MACROD2: variants seen among roughly 807,000 people sequenced by gnomAD.
MACROD2 encodes the protein ADP-ribose glycohydrolase MACROD2.
In MACROD2, 36 loss-of-function variants were observed where a neutral mutation model predicts 70.4. The ratio of observed to expected loss-of-function variants is 0.51; its 90% CI spans 0.39 to 0.68. MACROD2 has a LOEUF of 0.68. MACROD2 is among the 30% of genes least tolerant of loss of function. MACROD2 has a pLI of 0.00. For missense variants in MACROD2, 496 were observed against 538.4 expected (o/e 0.92, Z 0.78); for synonymous variants, 172 against 178.8 (o/e 0.96, Z 0.30).
chr20:14,568,922 C>T (rs1286254360), intron 4 of MACROD2, among the ~76,000 whole-genome samples: 1 of 151,952 alleles, frequency 6.6e-6, no homozygotes, highest in African/African-American at 2.4e-5. Flanking sequence ...ACTGCTACAG[C>T]CCCAGTCAGC....
intron 6 of MACROD2, among the ~76,000 whole-genome samples, chr20:15,266,473 G>T (rs2077295519): frequency 6.6e-6 from 1 of 152,198 alleles, no homozygotes; most frequent in Non-Finnish European, 1.5e-5. Flanking sequence ...GCCAGGCAAA[G>T]AATTACACAG....
chr20:14,111,346 G>A (rs778803625), intron 3 of MACROD2, among the ~76,000 whole-genome samples: 1 of 151,886 alleles, frequency 6.6e-6, no homozygotes, highest in Non-Finnish European at 1.5e-5. Context: ...GGCAACCAAA[G>A]CAAACATGGA....
chr20:14,840,451 G>C (rs567315995), intron 5 of MACROD2, among the ~76,000 whole-genome samples: 1 of 152,186 alleles, frequency 6.6e-6, no homozygotes, highest in Admixed American at 6.5e-5. Context: ...TGCCCAGGCT[G>C]GTCTTGGGCT....
chr20:15,228,886 T>C (rs1482309821), intron 5 of MACROD2, among the ~76,000 whole-genome samples: 1 of 152,200 alleles, frequency 6.6e-6, no homozygotes, highest in African/African-American at 2.4e-5. Flanking sequence ...TATTCTTCTG[T>C]CATTCTTGTT....
intron 6 of MACROD2, among the ~76,000 whole-genome samples, chr20:15,401,870 T>C (rs2045935466): frequency 6.6e-6 from 1 of 152,178 alleles, no homozygotes; most frequent in Non-Finnish European, 1.5e-5. Flanking sequence ...GATGGATAGT[T>C]GAGATGCAGA....
intron 5 of MACROD2, among the ~76,000 whole-genome samples, chr20:14,800,035 AC>A: frequency 6.6e-6 from 1 of 152,064 alleles, no homozygotes; most frequent in Non-Finnish European, 1.5e-5. Flanking sequence ...AGTCAAGCTG[AC>A]AGTTCAGACA....
intron 5 of MACROD2, among the ~76,000 whole-genome samples, chr20:14,860,702 A>G (rs111915718): frequency 1.4e-3 from 214 of 152,238 alleles, no homozygotes; most frequent in African/African-American, 4.7e-3. Context: ...AGCAAAACCC[A>G]GGTGGAGGTC....
intron 3 of MACROD2, among the ~76,000 whole-genome samples, chr20:14,313,745 A>G (rs1196221702): frequency 2.6e-5 from 4 of 152,212 alleles, no homozygotes; most frequent in Admixed American, 1.3e-4. Context: ...GTAGCTGGAA[A>G]AGATCAGCCC....
intron 5 of MACROD2, among the ~76,000 whole-genome samples, chr20:15,135,845 C>T (rs1408110116): frequency 2.7e-5 from 4 of 150,148 alleles, no homozygotes; most frequent in African/African-American, 9.8e-5. Flanking sequence ...TCTCCTTAAG[C>T]TGATAAGCAA....
intron 5 of MACROD2, among the ~76,000 whole-genome samples, chr20:14,871,641 A>G (rs1475608667): frequency 6.6e-6 from 1 of 152,162 alleles, no homozygotes; most frequent in Non-Finnish European, 1.5e-5. Flanking sequence ...AGCTAACAAC[A>G]TAATGACAGG....
In MACROD2 at chr20:14,645,865, G is replaced by C. The variant is rs4141803; in HGVS notation, c.302-38978G>C. Among the ~76,000 whole-genome samples the C allele has an allele frequency of 8.1e-3, 1,231 of 151,950 alleles. 100 individuals are homozygous for C. The East Asian group carries it at 0.17, about 21-fold the overall frequency. On this transcript the variant is annotated intron_variant, in intron 4 of 17. Coordinates refer to ENST00000684519, the MANE Select transcript of MACROD2 (RefSeq NM_001351661.2). ...GCCATTACACAGGGAATTCAAGGCA[G>C]ATAAAAAACTCCATTTACAGAAACC... is the stretch of plus-strand genomic sequence containing the variant.
At chr20:14,015,459 C>G (rs2052975441) in intron 2 of MACROD2, among the ~76,000 whole-genome samples, 1 of 152,148 alleles carries the variant, frequency 6.6e-6, no homozygotes, top group Non-Finnish European at 1.5e-5. Flanking sequence ...CACTTGTTGT[C>G]CCACCTATTC....
intron 5 of MACROD2, among the ~76,000 whole-genome samples, chr20:15,155,212 A>G (rs982364527): frequency 6.6e-6 from 1 of 152,020 alleles, no homozygotes; most frequent in African/African-American, 2.4e-5. Context: ...TAATGAGTAT[A>G]ATTTGTCAGA....
chr20:15,938,506 G>T lies in MACROD2; in HGVS notation c.907+962G>T, dbSNP rs1307919212. 7.9e-5 allele frequency among the ~76,000 whole-genome samples: 12 copies of T among 152,106 alleles called. No homozygotes were observed. The East Asian group carries it at 2.1e-3, about 27-fold the overall frequency. The stretch of plus-strand genomic sequence containing the variant: ...GTGTTACTATTATAATTGTTTTGGG[G>T]TGCTATGTACTGTGCCCATATAAGA... On this transcript the variant is annotated intron_variant, in intron 12 of 17. Transcript: ENST00000684519.
At chr20:15,972,748 T>A (rs1488924962) in intron 13 of MACROD2, among the ~76,000 whole-genome samples, 3 of 151,880 alleles carry the variant, frequency 2.0e-5, no homozygotes, top group African/African-American at 7.3e-5. Flanking sequence ...AGGCAGAGGT[T>A]GCAATGAGCC....
At chr20:14,027,958 G>C (rs1569123226) in intron 2 of MACROD2, among the ~76,000 whole-genome samples, 1 of 152,196 alleles carries the variant, frequency 6.6e-6, no homozygotes, top group Non-Finnish European at 1.5e-5. Context: ...GAGATCCGCT[G>C]CTCTCTTTAG....
At chr20:14,321,460 A>G (rs1263531216) in intron 3 of MACROD2, among the ~76,000 whole-genome samples, 1 of 152,172 alleles carries the variant, frequency 6.6e-6, no homozygotes, top group Non-Finnish European at 1.5e-5. Context: ...AGCAGGAGTT[A>G]TTTTTTGCTA....
chr20:14,583,396 G>A (rs1981171241), intron 4 of MACROD2, among the ~76,000 whole-genome samples: 1 of 152,136 alleles, frequency 6.6e-6, no homozygotes, highest in Non-Finnish European at 1.5e-5. Flanking sequence ...GGAGGCATCT[G>A]TACTTTTCTC....
At chr20:14,365,825 A>G (rs2083266662) in intron 3 of MACROD2, among the ~76,000 whole-genome samples, 1 of 151,934 alleles carries the variant, frequency 6.6e-6, no homozygotes, top group Admixed American at 6.6e-5. Context: ...TTATTTTAGG[A>G]TATTTTCTAA....
Sources: gnomAD v4.1 joint callset for allele counts (sites outside exome capture counted in the v4.1 genomes callset) on GRCh38, gnomAD v4.1.1 for gene constraint, MANE v1.5 for transcripts, NCBI Gene and HGNC (gene_info 2026-07-23, HGNC 2026-07-21) for gene names.